The following ATP8B1 variants were observed in gnomAD, a reference collection of about 807,000 sequenced individuals.
The protein encoded by ATP8B1 is ATPase phospholipid transporting 8B1, also known as phospholipid-transporting ATPase IC.
Under a neutral mutation model 149.9 loss-of-function variants are expected in ATP8B1, and 80 were observed. That is an observed-to-expected ratio of 0.53 (90% CI 0.45 to 0.64). The LOEUF (loss-of-function observed/expected upper bound fraction) is 0.64. Among genes scored for constraint, ATP8B1 ranks in the 30% least tolerant of loss-of-function variants. The pLI, the probability that ATP8B1 is intolerant of heterozygous loss-of-function variation, is 0.00. For synonymous variants in ATP8B1, 536 were observed against 562.8 expected, an observed-to-expected ratio of 0.95 and a Z score of 0.67; for missense variants, 1,247 against 1,552.6, an observed-to-expected ratio of 0.80 and a Z score of 3.31.
intron 2 of ATP8B1, among the ~76,000 whole-genome samples, chr18:57,726,157 A>C (rs553541643): frequency 2.0e-5 from 3 of 152,156 alleles, no homozygotes; most frequent in African/African-American, 7.2e-5. Flanking sequence ...GAACTCAAGA[A>C]GTTGAGGTTG....
intron 1 of ATP8B1, among the ~76,000 whole-genome samples, chr18:57,761,349 A>G (rs1843684632): frequency 6.6e-6 from 1 of 152,054 alleles, no homozygotes; most frequent in African/African-American, 2.4e-5. Context: ...AGAGTGGGAG[A>G]GAACTATTCT....
At chr18:57,707,070 G>A (rs1164770315) in intron 2 of ATP8B1, among the ~76,000 whole-genome samples, 1 of 152,204 alleles carries the variant, frequency 6.6e-6, no homozygotes, top group Non-Finnish European at 1.5e-5. Context: ...ACTTTGGGAG[G>A]CCAAGGCGGG....
chr18:57,782,533 A>G (rs2080365929), intron 1 of ATP8B1, among the ~76,000 whole-genome samples: 3 of 152,208 alleles, frequency 2.0e-5, no homozygotes. Context: ...CAGACTGGCT[A>G]ATAAGACTCT....
Position 57,669,415 on chromosome 18 carries a change from G to A in ATP8B1, c.2000C>T (p.Thr667Ile), listed in dbSNP as rs775539807. The A allele has an allele frequency of 1.2e-6, 2 of 1,613,610 alleles. No homozygotes were observed. The highest frequency in any genetic ancestry group is 2.2e-5 in the South Asian group (2 of 91,058). ...AGCCATAAACTTTTTATTCCATTCT[G>A]TAAATTCTTTTTCTTCAATTTCCTT... ...CYKEIEEKEFTEWNKKFMAAS... is the reference protein window; with the variant it reads ...CYKEIEEKEFIEWNKKFMAAS... The change falls in exon 18 of 28, where the codon ACA (threonine) becomes ATA (isoleucine). Residue 667 changes from threonine (T) to isoleucine (I), a missense_variant. Thr to Ile is a moderately conservative substitution (Grantham distance 89, BLOSUM62 -1). This residue lies in a region of ATP8B1 where 853 missense variants were observed against 1,035.7 expected (regional missense o/e 0.82). Transcript: ENST00000648908.
intron 1 of ATP8B1, among the ~76,000 whole-genome samples, chr18:57,778,548 G>A (rs936878610): frequency 6.6e-6 from 1 of 152,114 alleles, no homozygotes; most frequent in Non-Finnish European, 1.5e-5. Context: ...CAGTTTCAAT[G>A]GATCAAGAAT....
intron 3 of ATP8B1, among the ~76,000 whole-genome samples, chr18:57,705,427 G>C (rs1342289196): frequency 6.6e-6 from 1 of 152,140 alleles, no homozygotes; most frequent in African/African-American, 2.4e-5. Context: ...TCTATGAATG[G>C]GATCTTATTT....
intron 1 of ATP8B1, among the ~76,000 whole-genome samples, chr18:57,776,355 C>T (rs143240021): frequency 5.6e-4 from 86 of 152,328 alleles, no homozygotes; most frequent in African/African-American, 1.9e-3. Context: ...TGTGAGTTCA[C>T]GTGAATTAGG....
intron 1 of ATP8B1, among the ~76,000 whole-genome samples, chr18:57,774,796 A>G (rs1426422981): frequency 6.6e-6 from 1 of 152,186 alleles, no homozygotes; most frequent in East Asian, 1.9e-4. Flanking sequence ...TCACCTGGAC[A>G]AAATAGTAAG....
chr18:57,773,722 C>G (rs1378137514), intron 1 of ATP8B1, among the ~76,000 whole-genome samples: 6 of 152,184 alleles, frequency 3.9e-5, no homozygotes, highest in Admixed American at 3.9e-4. Context: ...ACCCCATCTC[C>G]CAGGTGCTCA....
intron 1 of ATP8B1, among the ~76,000 whole-genome samples, chr18:57,774,989 C>G (rs1476309152): frequency 1.3e-5 from 2 of 152,108 alleles, no homozygotes; most frequent in African/African-American, 4.8e-5. Flanking sequence ...CAGGACAGAG[C>G]CTGGCACAGA....
At chr18:57,780,961 G>T (rs1418020431) in intron 1 of ATP8B1, among the ~76,000 whole-genome samples, 1 of 152,240 alleles carries the variant, frequency 6.6e-6, no homozygotes, top group East Asian at 1.9e-4. Flanking sequence ...AGCAAGGTAT[G>T]TATGATATAT....
chr18:57,724,513 CT>C (rs1455159750), intron 2 of ATP8B1, among the ~76,000 whole-genome samples: 1 of 152,166 alleles, frequency 6.6e-6, no homozygotes, highest in African/African-American at 2.4e-5. Context: ...CTCATCATCA[CT>C]GGCCATCAGA....
At position 57,685,027 on chromosome 18, in the gene ATP8B1, G is replaced by A. The variant is rs371257266; in HGVS notation, c.1473+45C>T. On this transcript the variant is annotated intron_variant, in intron 14 of 27. Coordinates refer to ENST00000648908, the MANE Select transcript of ATP8B1 (RefSeq NM_001374385.1). ...GGAAGCATGGCCCTGCTGGGACCCT[G>A]ACATCCCCAGCATCCCAAACGATTC... is the stretch of plus-strand genomic sequence containing the variant. The A allele has an allele frequency of 1.7e-5, 28 of 1,606,272 alleles. No individual in the cohort carries two copies. The East Asian group carries it at 4.2e-4, about 24-fold the overall frequency.
chr18:57,801,667 A>ACCT (rs1321197362), intron 1 of ATP8B1, among the ~76,000 whole-genome samples: 1 of 152,082 alleles, frequency 6.6e-6, no homozygotes, highest in East Asian at 1.9e-4. Context: ...AAAGCAGTTA[A>ACCT]CCTTCATCGA....
chr18:57,788,365 C>T (rs995705206), intron 1 of ATP8B1, among the ~76,000 whole-genome samples: 2 of 152,064 alleles, frequency 1.3e-5, no homozygotes, highest in Non-Finnish European at 2.9e-5. Context: ...ATCAGCTTGG[C>T]CAACATGGTG....
Position 57,668,474 on chromosome 18 carries a change from C to T in ATP8B1, c.2164G>A (p.Ala722Thr). The T allele has an allele frequency of 6.3e-7, 1 of 1,586,474 alleles. No individual in the cohort carries two copies. The highest frequency in any genetic ancestry group is 8.6e-7 in the Non-Finnish European group (1 of 1,167,260). ...DGVPETISKL[A>T]KADIKIWVLT... ...ACCCAGATCTTAATGTCAGCTTTTG[C>T]AAGTTTTGAAATGGTTTCTGGAACT... The change falls in exon 19 of 28, where the codon GCA becomes ACA. Residue 722 changes from alanine (A) to threonine (T), a missense_variant. Around this residue, in one of 3 missense-constraint regions of ATP8B1, gnomAD observed 853 missense variants for 1,035.7 expected, o/e 0.82. Transcript: ENST00000648908.
intron 15 of ATP8B1, among the ~76,000 whole-genome samples, chr18:57,678,981 A>G (rs1911778155): frequency 8.5e-6 from 1 of 117,820 alleles, no homozygotes; most frequent in Non-Finnish European, 1.7e-5. Flanking sequence ...GCTGCCTTCC[A>G]AGCAATTGAC....
At chr18:57,753,430 C>A (rs2080042242) in intron 1 of ATP8B1, among the ~76,000 whole-genome samples, 1 of 152,146 alleles carries the variant, frequency 6.6e-6, no homozygotes, top group Non-Finnish European at 1.5e-5. Flanking sequence ...TAAATTAAAA[C>A]AAGGCAACAA....
chr18:57,800,228 C>T (rs967353849), intron 1 of ATP8B1, among the ~76,000 whole-genome samples: 2 of 152,202 alleles, frequency 1.3e-5, no homozygotes, highest in African/African-American at 4.8e-5. Context: ...GGCACAGTGG[C>T]TCACACCTGT....
Sources: allele counts gnomAD v4.1 joint callset (sites outside exome capture counted in the v4.1 genomes callset), GRCh38; gene constraint gnomAD v4.1.1; regional missense constraint gnomAD v4.1.1; transcripts MANE v1.5; gene names NCBI Gene and HGNC (gene_info 2026-07-23, HGNC 2026-07-21).